BPTF: variants seen among roughly 807,000 people sequenced by gnomAD.
BPTF encodes the protein bromodomain PHD finger transcription factor.
In BPTF, 18 loss-of-function variants were observed where a neutral mutation model predicts 292.5. That is an observed-to-expected ratio of 0.06 (90% CI 0.04 to 0.09). BPTF has a LOEUF of 0.09. BPTF is among the 10% of genes least tolerant of loss of function. The pLI is 1.00. For synonymous variants in BPTF, 1,225 were observed against 1,251.9 expected (o/e 0.98, Z 0.45); for missense variants, 2,726 against 3,498.7 (o/e 0.78, Z 5.57).
intron 10 of BPTF, 42 bp from the exon 11 acceptor site, chr17:67,910,835 C>T: frequency 3.6e-6 from 5 of 1,382,058 alleles, no homozygotes; most frequent in Non-Finnish European, 4.8e-6. Context: ...TTCCTCCTTT[C>T]AGAGTAAAAA....
At chr17:67,967,114 A>C (rs1180435892) in intron 26 of BPTF, among the ~76,000 whole-genome samples, 1 of 143,812 alleles carries the variant, frequency 7.0e-6, no homozygotes, top group Non-Finnish European at 1.5e-5. Context: ...TAAATAAATA[A>C]ATAAAATAAA....
intron 7 of BPTF, among the ~76,000 whole-genome samples, chr17:67,901,019 T>C (rs1366574279): frequency 8.1e-5 from 12 of 148,874 alleles, no homozygotes; most frequent in South Asian, 4.3e-4. Context: ...AACCTGTCTT[T>C]AAAAAAAAAG....
At chr17:67,944,920 C>T (rs2065679256) in intron 20 of BPTF, among the ~76,000 whole-genome samples, 1 of 25,784 alleles carries the variant, frequency 3.9e-5, no homozygotes, top group African/African-American at 4.2e-5. Flanking sequence ...AGGGGACAGC[C>T]AAGAAGCAGG....
In BPTF at chr17:67,885,267, T is replaced by C. The variant is rs142354241; in HGVS notation, c.1865-6577T>C. ...CTTTTAAGAACTATACTCTTAGTGA[T>C]ACTATTAAATTGTCCTCAGAAGTTA... On this transcript the variant is annotated intron_variant, in intron 4 of 27. Transcript: ENST00000306378. 2.1e-3 allele frequency among the ~76,000 whole-genome samples: 324 copies of C among 152,258 alleles called. 3 individuals are homozygous for C. The highest frequency in any genetic ancestry group is 7.5e-3 in the African/African-American group (312 of 41,562).
intron 4 of BPTF, among the ~76,000 whole-genome samples, chr17:67,887,143 C>G (rs1353792748): frequency 3.3e-5 from 5 of 152,216 alleles, no homozygotes; most frequent in African/African-American, 9.6e-5. Context: ...TCAACAACAT[C>G]ATTCCTCTTA....
chr17:67,964,518 T>C, intron 25 of BPTF, 114 bp downstream of exon 25: 8 of 1,285,762 alleles, frequency 6.2e-6, no homozygotes, highest in Non-Finnish European at 8.4e-6. Flanking sequence ...GACTCCCAGC[T>C]AGTCTAGTGA....
intron 1 of BPTF, among the ~76,000 whole-genome samples, chr17:67,845,906 C>T (rs1271560666): frequency 6.6e-6 from 1 of 151,736 alleles, no homozygotes; most frequent in African/African-American, 2.4e-5. Flanking sequence ...ACCAAACTAT[C>T]CTAGAGCCAT....
At chr17:67,937,166 A>G (rs1478509560) in intron 18 of BPTF, among the ~76,000 whole-genome samples, 4 of 152,170 alleles carry the variant, frequency 2.6e-5, no homozygotes, top group Admixed American at 2.6e-4. Flanking sequence ...TAAATAATGA[A>G]AAGTACTGGC....
chr17:67,957,934 G>T (rs782375967), intron 23 of BPTF, among the ~76,000 whole-genome samples: 1 of 152,230 alleles, frequency 6.6e-6, no homozygotes, highest in African/African-American at 2.4e-5. Context: ...CAATGGGTTT[G>T]TTCCTAGGGT....
At chr17:67,932,800 A>G (rs2064519817) in intron 18 of BPTF, among the ~76,000 whole-genome samples, 1 of 152,278 alleles carries the variant, frequency 6.6e-6, no homozygotes, top group Non-Finnish European at 1.5e-5. Context: ...AAGCTACAAA[A>G]GATAAAAAAA....
intron 24 of BPTF, 161 bp downstream of exon 24, chr17:67,960,036 CG>C: frequency 1.8e-6 from 1 of 566,262 alleles, no homozygotes; most frequent in Non-Finnish European, 2.9e-6. Flanking sequence ...TTACCATTGA[CG>C]CTAGTAAAGT....
chr17:67,852,394 G>A (rs1028807821), intron 1 of BPTF, among the ~76,000 whole-genome samples: 8 of 152,046 alleles, frequency 5.3e-5, no homozygotes, highest in Non-Finnish European at 1.0e-4. Context: ...CCAGAAGCAA[G>A]TACTATAAAA....
At chr17:67,885,398 A>G (rs1314164599) in intron 4 of BPTF, among the ~76,000 whole-genome samples, 1 of 152,214 alleles carries the variant, frequency 6.6e-6, no homozygotes, top group African/African-American at 2.4e-5. Flanking sequence ...AGCCTGGCCA[A>G]CATGGTGAAA....
chr17:67,920,738 GGAAAA>G (rs1367995241), intron 13 of BPTF, among the ~76,000 whole-genome samples: 1 of 151,852 alleles, frequency 6.6e-6, no homozygotes, highest in Non-Finnish European at 1.5e-5. Context: ...GAGTAATATT[GGAAAA>G]GAAGATTAAC....
chr17:67,931,208 T>C (rs563064605), intron 17 of BPTF, among the ~76,000 whole-genome samples: 3 of 151,934 alleles, frequency 2.0e-5, no homozygotes, highest in African/African-American at 7.2e-5. Flanking sequence ...GAGGTTGTAG[T>C]GAGCCAAGAT....
At chr17:67,881,753 G>A (rs547631839) in intron 4 of BPTF, among the ~76,000 whole-genome samples, 3 of 150,066 alleles carry the variant, frequency 2.0e-5, no homozygotes, top group African/African-American at 7.4e-5. Flanking sequence ...TGCCCACCTC[G>A]GCCTCCCAAA....
intron 7 of BPTF, among the ~76,000 whole-genome samples, chr17:67,894,809 T>G (rs1280928525): frequency 6.6e-6 from 1 of 152,210 alleles, no homozygotes; most frequent in African/African-American, 2.4e-5. Context: ...TACATCTGTT[T>G]TTAAAGTTCA....
At chr17:67,953,203 C>T (rs2066554358) in intron 23 of BPTF, among the ~76,000 whole-genome samples, 1 of 151,584 alleles carries the variant, frequency 6.6e-6, no homozygotes, top group Admixed American at 6.6e-5. Flanking sequence ...CCTTGTGGTC[C>T]ACCCACTTTG....
At chr17:67,881,920 G>C (rs2060453422) in intron 4 of BPTF, among the ~76,000 whole-genome samples, 1 of 133,966 alleles carries the variant, frequency 7.5e-6, no homozygotes, top group Non-Finnish European at 1.5e-5. Context: ...AGGCTGGAGT[G>C]CAGTGGCACA....
Sources: allele counts gnomAD v4.1 joint callset (sites outside exome capture counted in the v4.1 genomes callset), GRCh38; gene constraint gnomAD v4.1.1; transcripts MANE v1.5; gene names NCBI Gene and HGNC (gene_info 2026-07-23, HGNC 2026-07-21).